MYLK: variants seen among roughly 807,000 people sequenced by gnomAD.
MYLK encodes myosin light chain kinase, smooth muscle.
MYLK carries 106 observed loss-of-function variants against 203.4 expected under a neutral mutation model. The observed-to-expected ratio is 0.52, with a 90% CI of 0.45 to 0.61. The LOEUF is 0.61. MYLK is among the 20% of genes least tolerant of loss of function. MYLK has a pLI of 0.00. For missense variants in MYLK, 2,072 were observed against 2,442.3 expected, an observed-to-expected ratio of 0.85 and a Z score of 3.20; for synonymous variants, 867 against 959.5, an observed-to-expected ratio of 0.90 and a Z score of 1.78.
intron 2 of MYLK, among the ~76,000 whole-genome samples, chr3:123,839,829 G>A (rs899418854): frequency 7.9e-5 from 12 of 152,262 alleles, no homozygotes; most frequent in Admixed American, 5.9e-4. Context: ...ATTAAAAGAA[G>A]TGAGACCACA....
chr3:123,618,209 C>T (rs2057625127), intron 33 of MYLK: 1 of 244,390 alleles, frequency 4.1e-6, no homozygotes, highest in South Asian at 5.2e-5. Flanking sequence ...GTCACACAGC[C>T]TGTGGACGAG....
chr3:123,741,663 C>T (rs1337060484), intron 5 of MYLK, among the ~76,000 whole-genome samples: 2 of 152,062 alleles, frequency 1.3e-5, no homozygotes, highest in Non-Finnish European at 1.5e-5. Flanking sequence ...TCAAAGGAAA[C>T]GACGCTAAAG....
rs930172224 is a variant in MYLK at position 123,682,304 on chromosome 3, G to A, written c.3572C>T (p.Pro1191Leu). Residue 1191 changes from proline to leucine, a missense_variant, in exon 20 of 34, where the codon CCA becomes CTA. By Grantham distance (98) the Pro-to-Leu change is moderately conservative (BLOSUM62 -3). Around this residue, in one of 3 missense-constraint regions of MYLK, gnomAD observed 865 missense variants for 1,016.0 expected, o/e 0.85. Coordinates refer to ENST00000360304, the MANE Select transcript of MYLK (RefSeq NM_053025.4). ...CSCQVTVDDA[P>L]ASENTKAPEM... Reference sequence around the variant, plus strand: ...TGGGGCCTTGGTGTTCTCACTGGCTGGAGCATCTGGAATGAAACAGGTAAC... The same window carrying A: ...TGGGGCCTTGGTGTTCTCACTGGCTAGAGCATCTGGAATGAAACAGGTAAC... 3 of 1,597,104 alleles carry A rather than the reference G, an allele frequency of 1.9e-6. No individual in the cohort carries two copies. In the African/African-American group the frequency reaches 4.0e-5, roughly 21 times the overall value.
At position 123,648,849 on chromosome 3, in the gene MYLK, C is replaced by T; in HGVS notation, c.4415+122G>A. Reference sequence around the variant, plus strand: ...GGTCAGTCCTTTGGATCCTGCAGGACTCTCAGTCTGGGGAGGAGGCAGGCC... The same window carrying T: ...GGTCAGTCCTTTGGATCCTGCAGGATTCTCAGTCTGGGGAGGAGGCAGGCC... On this transcript the variant is annotated intron_variant, in intron 26 of 33. Transcript: ENST00000360304. The surrounding 1 kb of genome is among the most constrained non-coding windows in gnomAD (Gnocchi z 4.5). 2 of 827,386 alleles carry T rather than the reference C, an allele frequency of 2.4e-6. No individual in the cohort carries two copies. The highest frequency in any genetic ancestry group is 4.1e-6 in the Non-Finnish European group (2 of 484,528). The allele number at this position is 827,386 out of a possible 1,614,324, so 51.3% of individuals were successfully genotyped here.
chr3:123,620,144 A>G (rs2057769685), intron 32 of MYLK, 63 bp downstream of exon 32: 1 of 1,434,732 alleles, frequency 7.0e-7, no homozygotes, highest in Admixed American at 1.7e-5. Flanking sequence ...CAAAACCTCA[A>G]AATGCCCCTT....
At chr3:123,775,958 G>A (rs1274286730) in intron 4 of MYLK, among the ~76,000 whole-genome samples, 1 of 152,154 alleles carries the variant, frequency 6.6e-6, no homozygotes, top group African/African-American at 2.4e-5. Flanking sequence ...TGATCTTTCT[G>A]ACGACTAGGA....
At chr3:123,693,396 GC>G (rs1482897433) in intron 18 of MYLK, 1 of 163,528 alleles carries the variant, frequency 6.1e-6, no homozygotes, top group Non-Finnish European at 1.3e-5. Context: ...AGGGGCACCG[GC>G]CTGTGGGAAG....
At chr3:123,738,457 CTAG>C (rs1371059932) in intron 7 of MYLK, among the ~76,000 whole-genome samples, 1 of 152,176 alleles carries the variant, frequency 6.6e-6, no homozygotes, top group East Asian at 1.9e-4. Context: ...AAGACTCCTA[CTAG>C]TTGAAGGGTC....
intron 18 of MYLK, among the ~76,000 whole-genome samples, chr3:123,695,408 C>A (rs2060877373): frequency 6.6e-6 from 1 of 152,184 alleles, no homozygotes. Context: ...TTTTCCTAAG[C>A]CTGGAATGCA....
At chr3:123,836,791 C>T (rs1033055464) in intron 2 of MYLK, among the ~76,000 whole-genome samples, 2 of 152,136 alleles carry the variant, frequency 1.3e-5, no homozygotes, top group African/African-American at 4.8e-5. Context: ...GTGGGTCAGG[C>T]GTCCAAGGAC....
chr3:123,656,157 CT>C (rs1186910758), intron 24 of MYLK, among the ~76,000 whole-genome samples: 1 of 152,166 alleles, frequency 6.6e-6, no homozygotes, highest in African/African-American at 2.4e-5. Flanking sequence ...TCCAGTGCTT[CT>C]CAAATGTTCG....
chr3:123,866,890 G>A (rs1034006206), intron 2 of MYLK, among the ~76,000 whole-genome samples: 4 of 152,136 alleles, frequency 2.6e-5, no homozygotes, highest in Admixed American at 2.6e-4. Context: ...GGAAACTGAG[G>A]CCATGGTGTT....
At chr3:123,860,357 T>G (rs1167391050) in intron 2 of MYLK, among the ~76,000 whole-genome samples, 1 of 152,226 alleles carries the variant, frequency 6.6e-6, no homozygotes, top group African/African-American at 2.4e-5. Context: ...TCGAATTCTT[T>G]GATCAGGGCA....
In MYLK at chr3:123,737,323, G is replaced by A. The variant is rs749908907; in HGVS notation, c.754+55C>T. ...CGCAGTGAACAAGCAGCTCCTCTAG[G>A]AGGGTGCGGCACCAGGCAGGGATCG... On this transcript the variant is annotated intron_variant, in intron 8 of 33. Coordinates refer to ENST00000360304, the MANE Select transcript of MYLK (RefSeq NM_053025.4). 2.5e-6 allele frequency: 4 copies of A among 1,612,228 alleles called. No individual in the cohort carries two copies. In the South Asian group the frequency reaches 4.4e-5, roughly 18 times the overall value.
intron 3 of MYLK, among the ~76,000 whole-genome samples, chr3:123,802,859 T>C (rs1353732733): frequency 6.6e-6 from 1 of 152,176 alleles, no homozygotes; most frequent in Non-Finnish European, 1.5e-5. Flanking sequence ...TTCACTCACT[T>C]CATTCTTAGG....
In MYLK at chr3:123,638,221, T is replaced by C. The variant is rs1334681129; in HGVS notation, c.4838-27A>G. The C allele has an allele frequency of 4.3e-6, 7 of 1,613,050 alleles. No homozygotes were observed. The African/African-American group carries it at 8.0e-5, about 18-fold the overall frequency. The stretch of plus-strand genomic sequence containing the variant: ...TGAAACCAGGATGGAGAGGGATAAA[T>C]TGCCAGCACATCACGGAGCCAGCTT... On this transcript the variant is annotated intron_variant, in intron 28 of 33. Transcript: ENST00000360304.
At chr3:123,828,911 C>T (rs1231727219) in intron 3 of MYLK, among the ~76,000 whole-genome samples, 1 of 151,980 alleles carries the variant, frequency 6.6e-6, no homozygotes, top group African/African-American at 2.4e-5. Flanking sequence ...ATCATCTTAT[C>T]CCAGTTAGAA....
intron 2 of MYLK, among the ~76,000 whole-genome samples, chr3:123,849,522 G>A (rs1459137588): frequency 6.6e-6 from 1 of 152,104 alleles, no homozygotes; most frequent in African/African-American, 2.4e-5. Flanking sequence ...AATGTGGGGT[G>A]GTGCCATAAG....
At chr3:123,850,397 T>C (rs1199822912) in intron 2 of MYLK, among the ~76,000 whole-genome samples, 19 of 152,290 alleles carry the variant, frequency 1.2e-4, no homozygotes, top group South Asian at 4.1e-4. Flanking sequence ...ACATCCTCTC[T>C]AGCACCTGTT....
Sources: allele counts gnomAD v4.1 joint callset (sites outside exome capture counted in the v4.1 genomes callset), GRCh38; gene constraint gnomAD v4.1.1; regional missense constraint gnomAD v4.1.1; non-coding constraint Gnocchi (gnomAD v3.1); transcripts MANE v1.5; gene names NCBI Gene and HGNC (gene_info 2026-07-23, HGNC 2026-07-21).